GPAM: variants seen among roughly 807,000 people sequenced by gnomAD.
The protein encoded by GPAM is glycerol-3-phosphate acyltransferase, mitochondrial, also known as glycerol-3-phosphate acyltransferase 1, mitochondrial.
In GPAM, 56 loss-of-function variants were observed where a neutral mutation model predicts 105.0. The ratio of observed to expected loss-of-function variants is 0.53; its 90% CI spans 0.43 to 0.67. GPAM has a LOEUF of 0.67. Among genes scored for constraint, GPAM ranks in the 30% least tolerant of loss-of-function variants. GPAM has a pLI of 0.00. For missense variants in GPAM, 855 were observed against 989.8 expected (o/e 0.86, Z 1.83); for synonymous variants, 368 against 354.4 (o/e 1.04, Z -0.43).
In GPAM at chr10:112,150,144, C is replaced by G. The variant is rs1465768980; in HGVS notation, c.*3406G>C. 1 of 984,762 alleles carries G rather than the reference C, an allele frequency of 1.0e-6. No individual in the cohort carries two copies. Among genetic ancestry groups the G allele is most frequent in the African/African-American group, 1.7e-5 (1 of 57,236 alleles). 61.0% of individuals were successfully genotyped at this position (984,762 alleles called of 1,614,324 possible). A position where few individuals can be genotyped will look rare whatever the true frequency, so the allele number is the denominator to read the frequency against. ...AATGCAATCATTAGTTTGTATTAAA[C>G]TAAAATGCCAGACGGCAAGTCTCAG... On this transcript the variant is annotated 3_prime_UTR_variant, in exon 22 of 22. Transcript: ENST00000348367.
chr10:112,161,592 CT>C (rs1847124213), intron 15 of GPAM, 74 bp downstream of exon 15: 2 of 1,244,106 alleles, frequency 1.6e-6, no homozygotes, highest in Non-Finnish European at 2.4e-6. Context: ...AAATCTGCCC[CT>C]GAGTATGTAT....
intron 15 of GPAM, among the ~76,000 whole-genome samples, chr10:112,161,221 G>A (rs1293804272): frequency 1.3e-5 from 2 of 152,048 alleles, no homozygotes; most frequent in Non-Finnish European, 2.9e-5. Context: ...TATTTATTTG[G>A]TGCCTATATA....
intron 1 of GPAM, among the ~76,000 whole-genome samples, chr10:112,197,452 T>TC (rs1847736995): frequency 6.6e-6 from 1 of 151,886 alleles, no homozygotes; most frequent in African/African-American, 2.4e-5. Context: ...CTTTTTTTTT[T>TC]TTTTTTTCAG....
chr10:112,161,587 T>C (rs1429040613), intron 15 of GPAM, 80 bp downstream of exon 15: 3 of 1,150,654 alleles, frequency 2.6e-6, no homozygotes, highest in Non-Finnish European at 3.9e-6. Flanking sequence ...GGGCCAAATC[T>C]GCCCCTGAGT....
chr10:112,157,034 A>G, intron 19 of GPAM: 1 of 620,176 alleles, frequency 1.6e-6, no homozygotes, highest in South Asian at 1.9e-5. Context: ...TATGACATTC[A>G]TCTTCCTGAC....
chr10:112,180,382 A>G (rs1413155384), intron 4 of GPAM, 91 bp downstream of exon 4: 2 of 1,224,932 alleles, frequency 1.6e-6, no homozygotes, highest in Non-Finnish European at 2.4e-6. Context: ...CTGTTCTGAA[A>G]GTGAATTTAG....
At chr10:112,154,964 AG>A (rs1197466868) in intron 20 of GPAM, 2 of 519,490 alleles carry the variant, frequency 3.8e-6, no homozygotes. Context: ...GGGAGAACAG[AG>A]GGAAGTAGAA....
chr10:112,222,109 A>C, the GPAM span, among the ~76,000 whole-genome samples: 3 of 152,226 alleles, frequency 2.0e-5, no homozygotes, highest in African/African-American at 7.2e-5. Flanking sequence ...TCATGAGTTG[A>C]CAATTGTTGA....
At position 112,175,691 on chromosome 10, in the gene GPAM, G is replaced by A. The variant is rs149486347; in HGVS notation, c.322C>T (p.Arg108Cys). ...TGAATAAAAAGAACGTAAGAAAGGC[G>A]TCTTGCAAGCCATCCGCGGTGTCTG... is the stretch of plus-strand genomic sequence containing the variant. Reference protein sequence around the residue: ...HTRHRGWLARRLSYVLFIQER... With the variant: ...HTRHRGWLARCLSYVLFIQER... The change falls in exon 6 of 22, where the codon CGC becomes TGC. Residue 108 changes from arginine to cysteine, a missense_variant. Arg to Cys is a radical substitution (Grantham distance 180, BLOSUM62 -3). Transcript: ENST00000348367. The A allele has an allele frequency of 3.9e-5, 63 of 1,611,682 alleles. No individual in the cohort carries two copies. The highest frequency in any genetic ancestry group is 2.7e-4 in the African/African-American group (20 of 75,012).
rs74849677 is a variant in GPAM, at chr10:112,166,624, G to A, written c.1108-109C>T. ...TTTATGGAAACTGTAAGTTCATCTT[G>A]AAGAAGAACAATGAATGAAGAAGGA... On this transcript the variant is annotated intron_variant, in intron 11 of 21. Transcript: ENST00000348367. 513 of 756,546 alleles carry A rather than the reference G, an allele frequency of 6.8e-4. 2 individuals carry two copies. The East Asian group carries it at 0.012, about 18-fold the overall frequency. 46.9% of individuals were successfully genotyped at this position (756,546 alleles called of 1,614,324 possible). A position where few individuals can be genotyped will look rare whatever the true frequency, so the allele number is the denominator to read the frequency against.
chr10:112,154,729 A>T, intron 20 of GPAM, 42 bp from the exon 21 acceptor site: 1 of 1,327,874 alleles, frequency 7.5e-7, no homozygotes, highest in Non-Finnish European at 1.1e-6. Context: ...GTTACGCTCA[A>T]CAAATCATGA....
At chr10:112,178,450 T>A (rs1427144535) in intron 4 of GPAM, among the ~76,000 whole-genome samples, 1 of 152,050 alleles carries the variant, frequency 6.6e-6, no homozygotes, top group Non-Finnish European at 1.5e-5. Flanking sequence ...CTTGGGAGGC[T>A]GAGGCAGGAG....
intron 1 of GPAM, among the ~76,000 whole-genome samples, chr10:112,193,458 C>A (rs1847686449): frequency 6.6e-6 from 1 of 152,164 alleles, no homozygotes; most frequent in Non-Finnish European, 1.5e-5. Flanking sequence ...GTCCTAAGAT[C>A]TAGAGTAGAG....
chr10:112,200,598 G>A (rs1457897809), intron 1 of GPAM, among the ~76,000 whole-genome samples: 1 of 151,958 alleles, frequency 6.6e-6, no homozygotes, highest in African/African-American at 2.4e-5. Context: ...GGCTTTGTAA[G>A]GGAAATATTA....
At chr10:112,211,195 A>G (rs1847907176) in intron 1 of GPAM, among the ~76,000 whole-genome samples, 1 of 152,186 alleles carries the variant, frequency 6.6e-6, no homozygotes, top group South Asian at 2.1e-4. Flanking sequence ...CTAGAAGACA[A>G]AACTGGTCAC....
intron 1 of GPAM, among the ~76,000 whole-genome samples, chr10:112,190,038 G>C (rs935207380): frequency 5.3e-5 from 8 of 152,040 alleles, no homozygotes; most frequent in Admixed American, 4.6e-4. Flanking sequence ...ATACACTCTA[G>C]TCCCTGTTTT....
chr10:112,168,789 C>A (rs1010855178), intron 10 of GPAM, 64 bp downstream of exon 10: 2 of 1,038,146 alleles, frequency 1.9e-6, no homozygotes, highest in African/African-American at 1.6e-5. Flanking sequence ...TCAAAAGAGT[C>A]ATTTTTCCTT....
chr10:112,174,970 T>C (rs973164257), intron 6 of GPAM, among the ~76,000 whole-genome samples: 1 of 152,128 alleles, frequency 6.6e-6, no homozygotes, highest in Non-Finnish European at 1.5e-5. Context: ...CAAATCCAGG[T>C]AGATCTCTGA....
chr10:112,180,089 AACTTCTTATT>A (rs1189380385), intron 4 of GPAM, among the ~76,000 whole-genome samples: 1 of 152,226 alleles, frequency 6.6e-6, no homozygotes, highest in Non-Finnish European at 1.5e-5. Flanking sequence ...TCACAGCTTT[AACTTCTTATT>A]CTGTCCCATT....
Sources: gnomAD v4.1 joint callset for allele counts (sites outside exome capture counted in the v4.1 genomes callset) on GRCh38, gnomAD v4.1.1 for gene constraint, MANE v1.5 for transcripts, NCBI Gene and HGNC (gene_info 2026-07-23, HGNC 2026-07-21) for gene names.